Variants in EDC3 observed in about 807,000 individuals in gnomAD.
EDC3 encodes the protein enhancer of mRNA decapping 3.
In EDC3, 20 loss-of-function variants were observed where a neutral mutation model predicts 41.8. The ratio of observed to expected loss-of-function variants is 0.48; its 90% confidence interval spans 0.34 to 0.70. The LOEUF is 0.70. Ranked by LOEUF, EDC3 falls within the 30% of genes least tolerant of loss-of-function variation. The pLI, the probability that EDC3 is intolerant of heterozygous loss-of-function variation, is 0.01. For synonymous variants in EDC3, 206 were observed against 243.2 expected (o/e 0.85, Z 1.42); for missense variants, 444 against 636.8 (o/e 0.70, Z 3.26).
chr15:74,661,645 C>T (rs2062621427), intron 3 of EDC3, among the ~76,000 whole-genome samples: 1 of 150,518 alleles, frequency 6.6e-6, no homozygotes, highest in East Asian at 2.0e-4. Context: ...GCACGAGAAT[C>T]GCTTGAACCC....
chr15:74,674,786 G>C, intron 2 of EDC3, 175 bp downstream of exon 2: 1 of 680,726 alleles, frequency 1.5e-6, no homozygotes, highest in Non-Finnish European at 2.5e-6. Context: ...AGGCCACAAC[G>C]GGCAGATTAC....
chr15:74,646,663 A>G (rs1252609377), intron 4 of EDC3, among the ~76,000 whole-genome samples: 1 of 152,198 alleles, frequency 6.6e-6, no homozygotes, highest in Non-Finnish European at 1.5e-5. Context: ...CCCTGCCTGA[A>G]GCCCAGAGGG....
intron 4 of EDC3, among the ~76,000 whole-genome samples, chr15:74,652,997 C>T (rs1293770242): frequency 1.3e-5 from 2 of 152,126 alleles, no homozygotes; most frequent in Non-Finnish European, 1.5e-5. Context: ...CTGGCCAACA[C>T]GGTGAAACCT....
At chr15:74,680,192 A>C (rs963396057) in intron 1 of EDC3, among the ~76,000 whole-genome samples, 5 of 134,554 alleles carry the variant, frequency 3.7e-5, no homozygotes, top group Admixed American at 1.7e-4. Flanking sequence ...ACCCAGGAGG[A>C]GGAACTTGCA....
At chr15:74,673,288 A>G (rs1437750893) in intron 2 of EDC3, among the ~76,000 whole-genome samples, 1 of 152,178 alleles carries the variant, frequency 6.6e-6, no homozygotes, top group African/African-American at 2.4e-5. Context: ...GACATTTCGA[A>G]TCCATACGAT....
chr15:74,653,553 T>C (rs928995979), intron 4 of EDC3, among the ~76,000 whole-genome samples: 20 of 152,112 alleles, frequency 1.3e-4, no homozygotes, highest in African/African-American at 4.3e-4. Flanking sequence ...TTGTCACTGT[T>C]AAGAACAAAG....
intron 1 of EDC3, among the ~76,000 whole-genome samples, chr15:74,681,089 A>T (rs2062865431): frequency 1.3e-5 from 2 of 152,214 alleles, no homozygotes; most frequent in South Asian, 4.1e-4. Context: ...AATCCCAGCA[A>T]GATCTGTAGA....
At chr15:74,691,218 C>T (rs1364543997) in intron 1 of EDC3, among the ~76,000 whole-genome samples, 1 of 151,984 alleles carries the variant, frequency 6.6e-6, no homozygotes, top group Non-Finnish European at 1.5e-5. Flanking sequence ...ACCAGCACTA[C>T]GACCTGGGCA....
intron 3 of EDC3, among the ~76,000 whole-genome samples, chr15:74,667,686 T>A (rs550286001): frequency 6.6e-6 from 1 of 151,432 alleles, no homozygotes; most frequent in Middle Eastern, 3.5e-3. Flanking sequence ...AGTACCAAAA[T>A]AAAGTAATAT....
Position 74,640,609 on chromosome 15 carries a change from C to G in EDC3, c.831G>C (p.Leu277=). The change falls in exon 5 of 7, where the codon CTG becomes CTC. Residue 277 remains leucine, a synonymous_variant. Transcript: ENST00000315127. ...VSKEFCTDSG[L]VVPSISYELH... is the part of the protein sequence containing the mutation. ...GCTCATAGGAAATACTTGGGACAAC[C>G]AGGCCAGAGTCTGCAGTTCAAAAGG... 4 of 1,614,204 alleles carry G rather than the reference C, an allele frequency of 2.5e-6. No individual in the cohort carries two copies. The highest frequency in any genetic ancestry group is 2.5e-6 in the Non-Finnish European group (3 of 1,180,034).
rs758212150 is a variant in EDC3, at chr15:74,655,893, C to T, written c.660G>A (p.Glu220=). 5.6e-6 allele frequency: 9 copies of T among 1,613,998 alleles called. No individual in the cohort carries two copies. The highest frequency in any genetic ancestry group is 2.7e-5 in the African/African-American group (2 of 74,888). ...TTCTCCTTTCATAGGTATCAATCTC[C>T]TCAAACACAGCTGCCTTGTCAAAAA... ...LALFDKAAVF[E]EIDTYERRSG... is the part of the protein sequence containing the mutation. The change falls in exon 4 of 7, where the codon GAG becomes GAA. Residue 220 remains glutamate, a synonymous_variant. Coordinates refer to ENST00000315127, the MANE Select transcript of EDC3 (RefSeq NM_025083.5).
chr15:74,651,094 G>A (rs2062475106), intron 4 of EDC3, among the ~76,000 whole-genome samples: 1 of 152,204 alleles, frequency 6.6e-6, no homozygotes. Context: ...TTACTAAGCA[G>A]TATTCTTTGG....
At chr15:74,670,570 C>T (rs2062727845) in intron 3 of EDC3, among the ~76,000 whole-genome samples, 1 of 152,288 alleles carries the variant, frequency 6.6e-6, no homozygotes, top group Admixed American at 6.5e-5. Flanking sequence ...GCTGGGATTA[C>T]AGGCATGCAC....
intron 1 of EDC3, among the ~76,000 whole-genome samples, chr15:74,689,991 A>AT (rs1445014343): frequency 1.6e-4 from 25 of 152,350 alleles, no homozygotes; most frequent in African/African-American, 4.8e-4. Flanking sequence ...TTGATGTACA[A>AT]TAAAAAAAAA....
chr15:74,655,747 T>C lies in EDC3; in HGVS notation c.806A>G (p.Lys269Arg), dbSNP rs759824978. Residue 269 changes from lysine (K) to arginine (R), a missense_variant, in exon 4 of 7, where the codon AAG becomes AGG. Transcript: ENST00000315127. ...ATGCAACTCACCCGTGCAGAACTCCTTGCTCACGTTGTGGGGCACTATGAT... is the reference window on the plus strand; with the variant it reads ...ATGCAACTCACCCGTGCAGAACTCCCTGCTCACGTTGTGGGGCACTATGAT... ...RRIIVPHNVS[K>R]EFCTDSGLVV... is the part of the protein sequence containing the mutation. The C allele has an allele frequency of 6.2e-7, 1 of 1,610,134 alleles. No homozygotes were observed. Among genetic ancestry groups the C allele is most frequent in the Non-Finnish European group, 8.5e-7 (1 of 1,176,648 alleles).
intron 1 of EDC3, among the ~76,000 whole-genome samples, chr15:74,677,919 G>C (rs930565180): frequency 6.6e-6 from 1 of 152,014 alleles, no homozygotes; most frequent in African/African-American, 2.4e-5. Context: ...GCACAAAAAA[G>C]AAATGAGCTA....
At chr15:74,680,460 T>A (rs538378819) in intron 1 of EDC3, among the ~76,000 whole-genome samples, 4 of 152,136 alleles carry the variant, frequency 2.6e-5, no homozygotes, top group Non-Finnish European at 5.9e-5. Flanking sequence ...ATTCTTTTTT[T>A]AAAAAGCCTC....
At chr15:74,662,788 G>A (rs1268891634) in intron 3 of EDC3, among the ~76,000 whole-genome samples, 1 of 152,154 alleles carries the variant, frequency 6.6e-6, no homozygotes, top group East Asian at 1.9e-4. Context: ...AAAACCCAAA[G>A]CTCCTGAAAC....
chr15:74,669,045 G>A (rs536189955), intron 3 of EDC3, among the ~76,000 whole-genome samples: 2 of 152,070 alleles, frequency 1.3e-5, no homozygotes, highest in South Asian at 4.2e-4. Context: ...AAATCAGCTT[G>A]GGCAACATGG....
Sources: allele counts gnomAD v4.1 joint callset (sites outside exome capture counted in the v4.1 genomes callset), GRCh38; gene constraint gnomAD v4.1.1; transcripts MANE v1.5; gene names NCBI Gene and HGNC (gene_info 2026-07-23, HGNC 2026-07-21).